The following ADAMTSL1 variants were observed in gnomAD, a reference collection of about 807,000 sequenced individuals.
ADAMTSL1 encodes ADAMTS-like protein 1.
A neutral mutation model predicts 201.8 loss-of-function variants in ADAMTSL1; 126 were observed. That is an observed-to-expected ratio of 0.62 (90% CI 0.54 to 0.72). ADAMTSL1 has a LOEUF of 0.72. Among genes scored for constraint, ADAMTSL1 ranks in the 30% least tolerant of loss-of-function variants. The probability of loss-of-function intolerance (pLI) is 0.00; values close to 1 mark genes in which losing one functional copy is unlikely to be tolerated. For synonymous variants in ADAMTSL1, 1,121 were observed against 903.4 expected, an observed-to-expected ratio of 1.24 and a Z score of -4.32; for missense variants, 2,679 against 2,277.8, an observed-to-expected ratio of 1.18 and a Z score of -3.59.
chr9:18,067,357 TG>T (rs1223915498), intron 1 of ADAMTSL1, among the ~76,000 whole-genome samples: 1 of 147,656 alleles, frequency 6.8e-6, no homozygotes, highest in Non-Finnish European at 1.5e-5. Context: ...TGGCATGCAG[TG>T]AAAATTCAAA....
intron 2 of ADAMTSL1, among the ~76,000 whole-genome samples, chr9:18,525,091 G>A (rs201707085): frequency 1.3e-5 from 2 of 151,946 alleles, no homozygotes; most frequent in Non-Finnish European, 1.5e-5. Flanking sequence ...TTGGTTGGTA[G>A]GCTATTAATT....
intron 1 of ADAMTSL1, among the ~76,000 whole-genome samples, chr9:18,009,378 C>G (rs1819960690): frequency 6.6e-6 from 1 of 151,978 alleles, no homozygotes; most frequent in Admixed American, 6.6e-5. Context: ...AACCTAAACA[C>G]TGCACTGGAA....
At chr9:18,671,651 C>T (rs149142747) in intron 9 of ADAMTSL1, among the ~76,000 whole-genome samples, 32 of 152,218 alleles carry the variant, frequency 2.1e-4, no homozygotes, top group East Asian at 1.2e-3. Context: ...AAATCAGAAA[C>T]GAAGATTTGC....
intron 2 of ADAMTSL1, among the ~76,000 whole-genome samples, chr9:18,296,966 C>T (rs562946109): frequency 1.3e-5 from 2 of 152,250 alleles, no homozygotes; most frequent in Admixed American, 6.5e-5. Context: ...AAGAAAACAT[C>T]CCAGAACTGC....
chr9:18,189,354 A>G (rs962204676), intron 2 of ADAMTSL1, among the ~76,000 whole-genome samples: 3 of 152,184 alleles, frequency 2.0e-5, no homozygotes, highest in Non-Finnish European at 4.4e-5. Flanking sequence ...AAATTTTACC[A>G]TTGTCATTCA....
chr9:18,289,894 T>C (rs777035893), intron 2 of ADAMTSL1, among the ~76,000 whole-genome samples: 1 of 152,182 alleles, frequency 6.6e-6, no homozygotes, highest in Non-Finnish European at 1.5e-5. Flanking sequence ...TGAAAACAAA[T>C]ACAATGATTG....
At position 18,509,481 on chromosome 9, in the gene ADAMTSL1, G is replaced by A. The variant is rs548439683; in HGVS notation, c.191+4525G>A. Among the ~76,000 whole-genome samples the A allele has an allele frequency of 3.5e-4, 53 of 152,276 alleles. No individual in the cohort carries two copies. In the Middle Eastern group the frequency reaches 0.017, roughly 49 times the overall value. On this transcript the variant is annotated intron_variant, in intron 2 of 28. Transcript: ENST00000380548. ...GTGGAATATCAGATAAGGAATTATTGCTTGGCTAGGCAGCTCTGATGGACT... is the reference window on the plus strand; with the variant it reads ...GTGGAATATCAGATAAGGAATTATTACTTGGCTAGGCAGCTCTGATGGACT...
At chr9:18,113,204 T>C (rs549296432) in intron 1 of ADAMTSL1, among the ~76,000 whole-genome samples, 135 of 152,162 alleles carry the variant, frequency 8.9e-4, no homozygotes, top group Non-Finnish European at 1.8e-3. Flanking sequence ...AATGAGTAAG[T>C]CCAATAGGAA....
At chr9:18,577,871 A>C (rs901723752) in intron 4 of ADAMTSL1, among the ~76,000 whole-genome samples, 2 of 152,182 alleles carry the variant, frequency 1.3e-5, no homozygotes, top group Non-Finnish European at 2.9e-5. Flanking sequence ...TCATCATTTC[A>C]CAATTGAAAC....
At chr9:18,223,730 A>G (rs4147273) in intron 2 of ADAMTSL1, among the ~76,000 whole-genome samples, 1 of 152,070 alleles carries the variant, frequency 6.6e-6, no homozygotes, top group Non-Finnish European at 1.5e-5. Flanking sequence ...TAGTATATGC[A>G]ATGTATCTAT....
chr9:18,604,441 A>G (rs1181748523), intron 4 of ADAMTSL1, among the ~76,000 whole-genome samples: 1 of 152,176 alleles, frequency 6.6e-6, no homozygotes, highest in African/African-American at 2.4e-5. Context: ...CCTAACCCCC[A>G]GTAATCACCA....
chr9:18,272,816 C>A (rs541091053), intron 2 of ADAMTSL1, among the ~76,000 whole-genome samples: 52 of 152,290 alleles, frequency 3.4e-4, no homozygotes, highest in Non-Finnish European at 7.1e-4. Context: ...CTCCGTGAAG[C>A]CTTTCCTTAG....
rs569368048 is a variant in ADAMTSL1, at chr9:18,826,402, C to T, written c.4053C>T (p.Tyr1351=). 261 of 1,613,882 alleles carry T rather than the reference C, an allele frequency of 1.6e-4. No individual in the cohort carries two copies. In the South Asian group the frequency reaches 2.6e-3, roughly 16 times the overall value. ...TGTCCTCCTCGGATCAGGGCCTGTA[C>T]TCCTGCAGGGCGGCCAATCTTCATG... is the stretch of plus-strand genomic sequence containing the variant. ...TNVSSSDQGL[Y]SCRAANLHGE... is the part of the protein sequence containing the mutation. The change falls in exon 22 of 29, where the codon TAC becomes TAT. Residue 1351 remains tyrosine, a synonymous_variant. Transcript: ENST00000380548.
intron 21 of ADAMTSL1, among the ~76,000 whole-genome samples, chr9:18,823,706 A>C (rs1230961865): frequency 1.3e-5 from 2 of 152,104 alleles, no homozygotes; most frequent in African/African-American, 4.8e-5. Flanking sequence ...AATGGTTTGC[A>C]GGGCCGGCAT....
chr9:18,781,077 C>A (rs553601583), intron 19 of ADAMTSL1, among the ~76,000 whole-genome samples: 1 of 152,100 alleles, frequency 6.6e-6, no homozygotes, highest in African/African-American at 2.4e-5. Context: ...TTAATTTTTA[C>A]CTTAATGGGC....
chr9:18,697,039 C>T (rs1831600667), intron 13 of ADAMTSL1, among the ~76,000 whole-genome samples: 1 of 151,622 alleles, frequency 6.6e-6, no homozygotes, highest in African/African-American at 2.4e-5. Flanking sequence ...GCCGCCACAC[C>T]CAGCTAATTT....
intron 1 of ADAMTSL1, among the ~76,000 whole-genome samples, chr9:18,160,750 G>A (rs1229413185): frequency 1.3e-5 from 2 of 151,274 alleles, no homozygotes; most frequent in East Asian, 3.9e-4. Flanking sequence ...CACAGTCATG[G>A]CTCACTCTAG....
chr9:18,604,181 T>A (rs1251697708), intron 4 of ADAMTSL1, among the ~76,000 whole-genome samples: 1 of 152,192 alleles, frequency 6.6e-6, no homozygotes, highest in Admixed American at 6.5e-5. Flanking sequence ...TACAAAAGGT[T>A]TAAGGAGGCA....
intron 1 of ADAMTSL1, among the ~76,000 whole-genome samples, chr9:18,051,675 C>A (rs1434735127): frequency 1.3e-5 from 2 of 151,850 alleles, no homozygotes; most frequent in African/African-American, 4.8e-5. Context: ...CAGTCTTACT[C>A]ATGGCACAAA....
Sources: allele counts gnomAD v4.1 joint callset (sites outside exome capture counted in the v4.1 genomes callset), GRCh38; gene constraint gnomAD v4.1.1; transcripts MANE v1.5; gene names NCBI Gene and HGNC (gene_info 2026-07-23, HGNC 2026-07-21).